CHRM5: variants seen among roughly 807,000 people sequenced by gnomAD.
CHRM5 encodes muscarinic acetylcholine receptor M5.
CHRM5 carries 18 observed loss-of-function variants against 39.0 expected under a neutral mutation model. The ratio of observed to expected loss-of-function variants is 0.46; its 90% CI spans 0.32 to 0.68. The LOEUF is 0.68. Ranked by LOEUF, CHRM5 falls within the 30% of genes least tolerant of loss-of-function variation. The pLI is 0.04. For synonymous variants in CHRM5, 241 were observed against 246.3 expected (o/e 0.98, Z 0.20); for missense variants, 515 against 651.1 (o/e 0.79, Z 2.28).
In CHRM5 at chr15:34,065,360, A is replaced by G. The variant is rs765049979; in HGVS notation, c.*1044A>G. 5 of 152,214 alleles carry G rather than the reference A, an allele frequency of 3.3e-5. No individual in the cohort carries two copies. The highest frequency in any genetic ancestry group is 5.9e-5 in the Non-Finnish European group (4 of 68,048). The allele number at this position is 152,214 out of a possible 1,614,324, so 9.4% of individuals were successfully genotyped here. On this transcript the variant is annotated 3_prime_UTR_variant, in exon 3 of 3. Coordinates refer to ENST00000383263, the MANE Select transcript of CHRM5 (RefSeq NM_012125.4). ...AGATTTGCTTTTGAATTTCTTCCAG[A>G]GCCCTTTTGCAGCCTCCAATTTCCC...
intron 1 of CHRM5, among the ~76,000 whole-genome samples, chr15:33,986,647 A>G (rs200623438): frequency 0.15 from 22,192 of 151,938 alleles, 2,064 homozygotes; most frequent in Middle Eastern, 0.28. Context: ...ATAAGGCTCT[A>G]TATCAGGTTT....
At chr15:33,986,411 C>T (rs1896472002) in intron 1 of CHRM5, among the ~76,000 whole-genome samples, 1 of 151,832 alleles carries the variant, frequency 6.6e-6, no homozygotes, top group Non-Finnish European at 1.5e-5. Flanking sequence ...GCCCGGCCCA[C>T]TGTAAATTTT....
intron 1 of CHRM5, chr15:34,038,778 A>AG (rs1899298155): frequency 8.5e-7 from 1 of 1,173,858 alleles, no homozygotes; most frequent in Admixed American, 4.6e-5. Context: ...GTCGCCTCTT[A>AG]CCGGCGCGCT....
At chr15:34,021,224 C>T (rs767178808) in intron 1 of CHRM5, among the ~76,000 whole-genome samples, 31 of 151,666 alleles carry the variant, frequency 2.0e-4, no homozygotes, top group South Asian at 4.2e-4. Flanking sequence ...TTTGCTCTGT[C>T]GCCTCCCAAG....
intron 2 of CHRM5, among the ~76,000 whole-genome samples, chr15:34,053,554 A>T (rs1900023407): frequency 6.6e-6 from 1 of 151,890 alleles, no homozygotes; most frequent in South Asian, 2.1e-4. Context: ...TCTTTGACAA[A>T]CCTAACAAAA....
intron 2 of CHRM5, among the ~76,000 whole-genome samples, chr15:34,060,764 G>A (rs1215405115): frequency 6.6e-6 from 1 of 152,196 alleles, no homozygotes; most frequent in Admixed American, 6.5e-5. Flanking sequence ...CAGCTACTCA[G>A]GAGGCTGAGG....
intron 1 of CHRM5, among the ~76,000 whole-genome samples, chr15:34,018,946 T>C (rs1898083816): frequency 6.6e-6 from 1 of 152,112 alleles, no homozygotes; most frequent in African/African-American, 2.4e-5. Context: ...TTTACAATCC[T>C]TCAGCTAGAC....
At chr15:34,043,377 C>T (rs2140809675) in intron 1 of CHRM5, among the ~76,000 whole-genome samples, 1 of 152,262 alleles carries the variant, frequency 6.6e-6, no homozygotes. Context: ...GTACCTCTTC[C>T]TGATTCTTCT....
At position 34,038,884 on chromosome 15, in the gene CHRM5, G is replaced by A. The variant is rs955898205; in HGVS notation, c.-407-7656G>A. 62 of 1,141,148 alleles carry A rather than the reference G, an allele frequency of 5.4e-5. No homozygotes were observed. The highest frequency in any genetic ancestry group is 6.4e-5 in the Non-Finnish European group (60 of 934,318). The allele number at this position is 1,141,148 out of a possible 1,614,324, so 70.7% of individuals were successfully genotyped here. On this transcript the variant is annotated intron_variant, in intron 1 of 2. Coordinates refer to ENST00000383263, the MANE Select transcript of CHRM5 (RefSeq NM_012125.4). ...CGAGCGCCGCGGAAGCCCCGGCCAC[G>A]GCCACGGCCCCGGCGTCCGCCTCCG...
At chr15:33,993,632 T>C (rs1247804435) in intron 1 of CHRM5, among the ~76,000 whole-genome samples, 1 of 152,182 alleles carries the variant, frequency 6.6e-6, no homozygotes, top group Admixed American at 6.5e-5. Context: ...ATAATACATA[T>C]GAGCTTATAG....
At chr15:34,036,180 C>T (rs1899116981) in intron 1 of CHRM5, among the ~76,000 whole-genome samples, 1 of 151,994 alleles carries the variant, frequency 6.6e-6, no homozygotes, top group Non-Finnish European at 1.5e-5. Context: ...TAATTATGCT[C>T]ACCCATAATC....
intron 1 of CHRM5, among the ~76,000 whole-genome samples, chr15:34,030,464 G>T (rs958217068): frequency 6.6e-6 from 1 of 152,016 alleles, no homozygotes; most frequent in African/African-American, 2.4e-5. Context: ...TCCTGCCTCA[G>T]CCTCTCAAGT....
intron 1 of CHRM5, among the ~76,000 whole-genome samples, chr15:34,004,971 T>TA (rs1040589941): frequency 6.8e-5 from 10 of 146,238 alleles, no homozygotes; most frequent in African/African-American, 1.7e-4. Flanking sequence ...AGTGTGGACT[T>TA]AAAAAAAATA....
intron 1 of CHRM5, among the ~76,000 whole-genome samples, chr15:33,981,225 G>C (rs1896129412): frequency 6.6e-6 from 1 of 152,150 alleles, no homozygotes. Flanking sequence ...ATATGAAGCG[G>C]ATGAATTTCA....
At chr15:34,007,281 T>C (rs1346718633) in intron 1 of CHRM5, among the ~76,000 whole-genome samples, 1 of 152,110 alleles carries the variant, frequency 6.6e-6, no homozygotes, top group Non-Finnish European at 1.5e-5. Flanking sequence ...CTCTGCAGAA[T>C]GAAAATGAAA....
At chr15:34,018,892 A>T (rs1273473085) in intron 1 of CHRM5, among the ~76,000 whole-genome samples, 1 of 146,182 alleles carries the variant, frequency 6.8e-6, no homozygotes, top group African/African-American at 2.7e-5. Context: ...AGCTAAACAC[A>T]GAGTGCTGAT....
intron 2 of CHRM5, among the ~76,000 whole-genome samples, chr15:34,055,481 G>A (rs1002710512): frequency 6.6e-6 from 1 of 151,804 alleles, no homozygotes; most frequent in Admixed American, 6.6e-5. Context: ...TTCCAGCCTG[G>A]GCAACAGAGT....
intron 1 of CHRM5, among the ~76,000 whole-genome samples, chr15:33,978,418 C>T (rs1388635631): frequency 1.3e-5 from 2 of 152,186 alleles, no homozygotes; most frequent in African/African-American, 4.8e-5. Flanking sequence ...AATCCCAGCA[C>T]TTTAGGAGCC....
intron 1 of CHRM5, among the ~76,000 whole-genome samples, chr15:34,011,186 T>C (rs1597347153): frequency 6.6e-6 from 1 of 151,976 alleles, no homozygotes; most frequent in Middle Eastern, 3.4e-3. Flanking sequence ...AGCAAGACTC[T>C]GTCTCAAAAA....
Sources: allele counts gnomAD v4.1 joint callset (sites outside exome capture counted in the v4.1 genomes callset), GRCh38; gene constraint gnomAD v4.1.1; transcripts MANE v1.5; gene names NCBI Gene and HGNC (gene_info 2026-07-23, HGNC 2026-07-21).